The following LRP1B variants were observed in gnomAD, a reference collection of about 807,000 sequenced individuals.
LRP1B encodes low-density lipoprotein receptor-related protein 1B.
In LRP1B, 217 loss-of-function variants were observed where a neutral mutation model predicts 556.6. The ratio of observed to expected loss-of-function variants is 0.39; its 90% CI spans 0.35 to 0.44. The LOEUF is 0.44. Among genes scored for constraint, LRP1B ranks in the 20% least tolerant of loss-of-function variants. LRP1B has a pLI of 1.00. For missense variants in LRP1B, 5,053 were observed against 5,620.8 expected (o/e 0.90, Z 3.23); for synonymous variants, 2,047 against 1,865.8 (o/e 1.10, Z -2.50).
intron 79 of LRP1B, among the ~76,000 whole-genome samples, chr2:140,329,979 C>A (rs186484348): frequency 4.3e-4 from 65 of 151,722 alleles, no homozygotes; most frequent in South Asian, 6.3e-4. Context: ...GCGGGTTGAT[C>A]GCTTGAGATC....
chr2:141,401,348 G>A (rs1690446718), intron 3 of LRP1B, among the ~76,000 whole-genome samples: 1 of 152,134 alleles, frequency 6.6e-6, no homozygotes, highest in Non-Finnish European at 1.5e-5. Flanking sequence ...TGGTTATGAA[G>A]TAGAACAAAT....
At chr2:141,711,626 A>G (rs1692361589) in intron 2 of LRP1B, among the ~76,000 whole-genome samples, 1 of 152,180 alleles carries the variant, frequency 6.6e-6, no homozygotes, top group African/African-American at 2.4e-5. Flanking sequence ...GCTTTAAAAT[A>G]AAATTCCCTT....
chr2:141,319,457 G>A (rs1477783021), intron 3 of LRP1B, among the ~76,000 whole-genome samples: 2 of 151,764 alleles, frequency 1.3e-5, no homozygotes, highest in African/African-American at 4.8e-5. Context: ...TTAACATATA[G>A]TATATCACAT....
rs748331070 is a variant in LRP1B, at chr2:140,536,716, GAA to G, written c.7514-9_7514-8del. On this transcript the variant is annotated splice_region_variant and splice_polypyrimidine_tract_variant and intron_variant, in intron 45 of 90. Coordinates refer to ENST00000389484, the MANE Select transcript of LRP1B (RefSeq NM_018557.3). ...TTGCAGGAGGAATTTTTAGCTGCAAGAAAAAAAAAAAAAGTCAATACTTTTGT... is the reference window on the plus strand; with the variant it reads ...TTGCAGGAGGAATTTTTAGCTGCAAGAAAAAAAAAAAGTCAATACTTTTGT... 2,985 of 1,215,924 alleles carry G rather than the reference GAA, an allele frequency of 2.5e-3. No individual in the cohort carries two copies. The highest frequency in any genetic ancestry group is 6.2e-3 in the East Asian group (209 of 33,892). 75.3% of individuals were successfully genotyped at this position (1,215,924 alleles called of 1,614,324 possible).
intron 2 of LRP1B, among the ~76,000 whole-genome samples, chr2:141,669,118 C>T (rs144041378): frequency 6.6e-6 from 1 of 151,056 alleles, no homozygotes; most frequent in African/African-American, 2.4e-5. Flanking sequence ...GAGATGGGGG[C>T]TTTGAAGAAC....
At chr2:140,545,541 G>A (rs773943433) in intron 43 of LRP1B, among the ~76,000 whole-genome samples, 14 of 151,978 alleles carry the variant, frequency 9.2e-5, no homozygotes, top group East Asian at 1.9e-4. Context: ...ATTGAATAGA[G>A]TCCTTTCCCC....
At chr2:140,749,882 G>A (rs1688510593) in intron 35 of LRP1B, among the ~76,000 whole-genome samples, 1 of 152,112 alleles carries the variant, frequency 6.6e-6, no homozygotes, top group Admixed American at 6.6e-5. Context: ...GACTGACAGT[G>A]CAGGTTTGTT....
intron 1 of LRP1B, among the ~76,000 whole-genome samples, chr2:141,955,180 T>G (rs1390283876): frequency 6.6e-6 from 1 of 152,128 alleles, no homozygotes; most frequent in Non-Finnish European, 1.5e-5. Flanking sequence ...CTAATAATGT[T>G]TTAGTGTAAG....
chr2:141,553,945 ATAT>A (rs1685857994), intron 2 of LRP1B, among the ~76,000 whole-genome samples: 1 of 136,686 alleles, frequency 7.3e-6, no homozygotes, highest in Non-Finnish European at 1.5e-5. Context: ...TTATATATCT[ATAT>A]TAATAGATAT....
intron 32 of LRP1B, among the ~76,000 whole-genome samples, chr2:140,808,199 C>T (rs975554532): frequency 6.2e-5 from 4 of 64,430 alleles, no homozygotes; most frequent in Non-Finnish European, 1.8e-4. Flanking sequence ...TAACAGTCCT[C>T]ATTAAACAGT....
At chr2:141,266,263 G>T (rs1181397009) in intron 3 of LRP1B, among the ~76,000 whole-genome samples, 3 of 149,758 alleles carry the variant, frequency 2.0e-5, no homozygotes, top group East Asian at 3.9e-4. Context: ...GGCAGAGCTT[G>T]CAGTGAGCAG....
intron 2 of LRP1B, among the ~76,000 whole-genome samples, chr2:141,530,772 G>A (rs1684846047): frequency 1.3e-5 from 2 of 151,974 alleles, no homozygotes; most frequent in Admixed American, 6.6e-5. Context: ...CTGTGAAGAG[G>A]AACATTCCAG....
chr2:142,115,561 TGTA>T (rs1574702300), intron 1 of LRP1B, among the ~76,000 whole-genome samples: 6 of 55,338 alleles, frequency 1.1e-4, no homozygotes, highest in Admixed American at 3.0e-4. Context: ...ATATTATATA[TGTA>T]ATATATATTA....
At chr2:142,074,377 T>G (rs1207086989) in intron 1 of LRP1B, among the ~76,000 whole-genome samples, 1 of 152,060 alleles carries the variant, frequency 6.6e-6, no homozygotes, top group African/African-American at 2.4e-5. Context: ...TCATTTCCAC[T>G]GACCCCAAGA....
At chr2:141,696,382 A>G in intron 2 of LRP1B, among the ~76,000 whole-genome samples, 1 of 152,016 alleles carries the variant, frequency 6.6e-6, no homozygotes, top group East Asian at 1.9e-4. Context: ...GTTACTTTTA[A>G]TATTGAATAA....
chr2:140,599,780 T>C (rs562320340), intron 42 of LRP1B, among the ~76,000 whole-genome samples: 1 of 152,222 alleles, frequency 6.6e-6, no homozygotes, highest in Admixed American at 6.5e-5. Flanking sequence ...TTCCTTTCAT[T>C]TCCCCCCTTC....
At chr2:141,897,444 A>G (rs13012265) in intron 1 of LRP1B, among the ~76,000 whole-genome samples, 68,757 of 151,846 alleles carry the variant, frequency 0.45, 15,701 homozygotes, top group Admixed American at 0.52. Context: ...TAATTTTTGC[A>G]CCACATGAGA....
intron 2 of LRP1B, among the ~76,000 whole-genome samples, chr2:141,682,118 G>A (rs1407475510): frequency 6.6e-6 from 1 of 152,084 alleles, no homozygotes; most frequent in African/African-American, 2.4e-5. Flanking sequence ...TCAATTGGGT[G>A]TCTTGATAGC....
At chr2:141,492,242 G>A (rs1683363342) in intron 2 of LRP1B, among the ~76,000 whole-genome samples, 1 of 151,972 alleles carries the variant, frequency 6.6e-6, no homozygotes, top group Non-Finnish European at 1.5e-5. Flanking sequence ...GGTCAAATGA[G>A]CTCATTTCTA....
Sources: gnomAD v4.1 joint callset for allele counts (sites outside exome capture counted in the v4.1 genomes callset) on GRCh38, gnomAD v4.1.1 for gene constraint, MANE v1.5 for transcripts, NCBI Gene and HGNC (gene_info 2026-07-23, HGNC 2026-07-21) for gene names.